Variants in NEU1 observed in about 807,000 individuals in gnomAD.
NEU1 encodes sialidase-1.
In NEU1, 32 loss-of-function variants were observed where a neutral mutation model predicts 38.3. The ratio of observed to expected loss-of-function variants is 0.84; its 90% CI spans 0.63 to 1.12. The LOEUF is 1.12. Ranked by LOEUF, NEU1 falls within the 50% of genes most tolerant of loss-of-function variation. The pLI, the probability that NEU1 is intolerant of heterozygous loss-of-function variation, is 0.00. For missense variants in NEU1, 431 were observed against 549.2 expected (o/e 0.78, Z 2.15); for synonymous variants, 192 against 225.2 (o/e 0.85, Z 1.32).
At position 31,859,710 on chromosome 6, in the gene NEU1, T is replaced by C. The variant is rs2151543578; in HGVS notation, c.*9A>G. ...TGAAGGCAGAATACCCCTGTGGCAG[T>C]GGCACAGCTCAGAGTGTCCCATAGA... On this transcript the variant is annotated 3_prime_UTR_variant, in exon 6 of 6. Coordinates refer to ENST00000375631, the MANE Select transcript of NEU1 (RefSeq NM_000434.4). 2.5e-6 allele frequency: 4 copies of C among 1,612,530 alleles called. No homozygotes were observed. Among genetic ancestry groups the C allele is most frequent in the African/African-American group, 1.3e-5 (1 of 75,060 alleles).
chr6:31,862,281 G>T lies in NEU1; in HGVS notation c.160-90C>A. On this transcript the variant is annotated intron_variant, in intron 1 of 5. Coordinates refer to ENST00000375631, the MANE Select transcript of NEU1 (RefSeq NM_000434.4). This position sits in a 1 kb window ranked among gnomAD's most constrained non-coding sequence, Gnocchi z 6.3. The stretch of plus-strand genomic sequence containing the variant: ...TCCGATGGGAGAGGGAGGATCTAAT[G>T]GGGATCCCGAGTAGGGGATGGGGTC... 7.2e-7 allele frequency: 1 copy of T among 1,394,070 alleles called. No homozygotes were observed. Among genetic ancestry groups the T allele is most frequent in the Non-Finnish European group, 1.0e-6 (1 of 996,686 alleles). 86.4% of individuals were successfully genotyped at this position (1,394,070 alleles called of 1,614,324 possible). A position where few individuals can be genotyped will look rare whatever the true frequency, so the allele number is the denominator to read the frequency against.
Position 31,860,538 on chromosome 6 carries a change from G to A in NEU1, c.699C>T (p.Ser233=), listed in dbSNP as rs188562197. 18 of 1,614,064 alleles carry A rather than the reference G, an allele frequency of 1.1e-5. No individual in the cohort carries two copies. In the Admixed American group the frequency reaches 1.5e-4, roughly 13 times the overall value. The change falls in exon 4 of 6, where the codon AGC becomes AGT. Residue 233 remains serine, a synonymous_variant. Coordinates refer to ENST00000375631, the MANE Select transcript of NEU1 (RefSeq NM_000434.4). The surrounding 1 kb of genome is among the most constrained non-coding windows in gnomAD (Gnocchi z 4.8). The part of the protein sequence containing the change: ...LERDGVFCLL[S]DDHGASWRYG... ...AGCGCCAGGAGGCACCATGATCATC[G>A]CTGAGGAGACAGAAGACTCCGTCCC...
intron 2 of NEU1, 26 bp downstream of exon 2, chr6:31,861,973 G>A: frequency 6.2e-7 from 1 of 1,611,904 alleles, no homozygotes; most frequent in Non-Finnish European, 8.5e-7. Context: ...CCTAGCACCG[G>A]CTCTTTCACC....
rs201684013 is a variant in NEU1, at chr6:31,860,572, G to A, written c.665C>T (p.Thr222Met). ...ACAGAAGACTCCGTCCCGCTCCAGC[G>A]TCCCATGGCCACACACGATGAGGCG... Reference protein sequence around the residue: ...KGRLIVCGHGTLERDGVFCLL... With the variant: ...KGRLIVCGHGMLERDGVFCLL... The change falls in exon 4 of 6, where the codon ACG becomes ATG. Residue 222 changes from threonine (T) to methionine (M), a missense_variant. By Grantham distance (81) the Thr-to-Met change is moderately conservative. Coordinates refer to ENST00000375631, the MANE Select transcript of NEU1 (RefSeq NM_000434.4). The surrounding 1 kb of genome is among the most constrained non-coding windows in gnomAD (Gnocchi z 4.8). 8.0e-5 allele frequency: 129 copies of A among 1,613,878 alleles called. No individual in the cohort carries two copies. Among genetic ancestry groups the A allele is most frequent in the Non-Finnish European group, 1.0e-4 (123 of 1,180,020 alleles).
chr6:31,861,920 A>G (rs1762531410), intron 2 of NEU1, 79 bp downstream of exon 2: 1 of 1,507,330 alleles, frequency 6.6e-7, no homozygotes, highest in Non-Finnish European at 9.2e-7. Context: ...AAGTTCCCCT[A>G]TCCTCAGGGC....
chr6:31,859,447 C>G lies in NEU1; in HGVS notation c.*272G>C, dbSNP rs905176893. 1.7e-6 allele frequency: 1 copy of G among 588,262 alleles called. No individual in the cohort carries two copies. Among genetic ancestry groups the G allele is most frequent in the African/African-American group, 1.9e-5 (1 of 54,004 alleles). 36.4% of individuals were successfully genotyped at this position (588,262 alleles called of 1,614,324 possible). A position where few individuals can be genotyped will look rare whatever the true frequency, so the allele number is the denominator to read the frequency against. On this transcript the variant is annotated 3_prime_UTR_variant, in exon 6 of 6. Transcript: ENST00000375631. ...TGCCCAAGACAGGACCAATCAATGT[C>G]CCGGGAGGGCAGAGAGGGTGGTGGG... is the stretch of plus-strand genomic sequence containing the variant.
At chr6:31,861,124 T>C in intron 3 of NEU1, 64 bp downstream of exon 3, 1 of 1,603,576 alleles carries the variant, frequency 6.2e-7, no homozygotes, top group East Asian at 2.2e-5. Flanking sequence ...AAGGAGTCCA[T>C]TTGGGGGTAT....
Position 31,862,796 on chromosome 6 carries a change from G to C in NEU1, c.-20C>G. 1 of 1,612,338 alleles carries C rather than the reference G, an allele frequency of 6.2e-7. No homozygotes were observed. The highest frequency in any genetic ancestry group is 8.5e-7 in the Non-Finnish European group (1 of 1,179,786). On this transcript the variant is annotated 5_prime_UTR_variant, in exon 1 of 6. Transcript: ENST00000375631. The surrounding 1 kb of genome is among the most constrained non-coding windows in gnomAD (Gnocchi z 6.3). ...AGTCATCTCTCCCCGCAGCTGCCGCGACCCTGGCAGCTAGACTCCACAGAG... is the reference window on the plus strand; with the variant it reads ...AGTCATCTCTCCCCGCAGCTGCCGCCACCCTGGCAGCTAGACTCCACAGAG...
intron 2 of NEU1, 75 bp downstream of exon 2, chr6:31,861,924 T>C: frequency 6.5e-7 from 1 of 1,540,560 alleles, no homozygotes; most frequent in East Asian, 2.2e-5. Flanking sequence ...TCCCCTATCC[T>C]CAGGGCCCTT....
chr6:31,859,807 G>C lies in NEU1; in HGVS notation c.1160C>G (p.Pro387Arg), dbSNP rs1230785787. Residue 387 changes from proline to arginine, a missense_variant, in exon 6 of 6, where the codon CCC becomes CGC. Pro to Arg is a moderately radical substitution (Grantham distance 103, BLOSUM62 -2). Coordinates refer to ENST00000375631, the MANE Select transcript of NEU1 (RefSeq NM_000434.4). ...TTTCTCATACAGGACGTAGAGCTGG[G>C]GGGCCTGCTCCTCTCCATCCATGCT... ...EGSMDGEEQAPQLYVLYEKGR... is the reference protein window; with the variant it reads ...EGSMDGEEQARQLYVLYEKGR... The C allele has an allele frequency of 6.2e-7, 1 of 1,613,054 alleles. No homozygotes were observed. The highest frequency in any genetic ancestry group is 1.7e-5 in the Admixed American group (1 of 60,018).
Position 31,860,320 on chromosome 6 carries a change from A to C in NEU1, c.799-56T>G. 2 of 1,602,390 alleles carry C rather than the reference A, an allele frequency of 1.2e-6. No individual in the cohort carries two copies. The highest frequency in any genetic ancestry group is 1.7e-6 in the Non-Finnish European group (2 of 1,169,884). ...GAACAGGGAAAATGCCCTGTCCCCG[A>C]GGGGAGCAAGGGTGTGTGGCACTGA... is the stretch of plus-strand genomic sequence containing the variant. On this transcript the variant is annotated intron_variant, in intron 4 of 5. Coordinates refer to ENST00000375631, the MANE Select transcript of NEU1 (RefSeq NM_000434.4). This position sits in a 1 kb window ranked among gnomAD's most constrained non-coding sequence, Gnocchi z 4.8.
Position 31,862,119 on chromosome 6 carries a change from G to T in NEU1, c.232C>A (p.Arg78Ser). 6.2e-7 allele frequency: 1 copy of T among 1,613,080 alleles called. No individual in the cohort carries two copies. Among genetic ancestry groups the T allele is most frequent in the Non-Finnish European group, 8.5e-7 (1 of 1,180,038 alleles). The change falls in exon 2 of 6, where the codon CGC becomes AGC. Residue 78 changes from arginine (R) to serine (S), a missense_variant. Transcript: ENST00000375631. The surrounding 1 kb of genome is among the most constrained non-coding windows in gnomAD (Gnocchi z 6.3). The stretch of plus-strand genomic sequence containing the variant: ...GGAGTGGCTGTGATGAGCGGGATGC[G>T]GAAGGTGTCCACTGAGCCGATCTGT... ...GRQIGSVDTF[R>S]IPLITATPRG...
Position 31,858,180 on chromosome 6 carries a change from T to C in NEU1, c.*1539A>G, listed in dbSNP as rs1383363464. The stretch of plus-strand genomic sequence containing the variant: ...GCTTGGCCAAGTGTGGATTTTAAAA[T>C]ATCTTACAGGCTGGGTGCAGGGGCT... On this transcript the variant is annotated 3_prime_UTR_variant, in exon 6 of 6. Transcript: ENST00000375631. 2 of 152,120 alleles carry C rather than the reference T, an allele frequency of 1.3e-5. No individual in the cohort carries two copies. Among genetic ancestry groups the C allele is most frequent in the Non-Finnish European group, 2.9e-5 (2 of 68,054 alleles). 9.4% of individuals were successfully genotyped at this position (152,120 alleles called of 1,614,324 possible).
rs1015368193 is a variant in NEU1, at chr6:31,862,548, C to T, written c.159+70G>A. 1.2e-6 allele frequency: 2 copies of T among 1,607,290 alleles called. No individual in the cohort carries two copies. Among genetic ancestry groups the T allele is most frequent in the African/African-American group, 2.7e-5 (2 of 74,792 alleles). ...CGCGGAAAGTCGGCTCAGCCGCCCGCGTTCCGGGGGACACTAGGTGTCGAT... is the reference window on the plus strand; with the variant it reads ...CGCGGAAAGTCGGCTCAGCCGCCCGTGTTCCGGGGGACACTAGGTGTCGAT... On this transcript the variant is annotated intron_variant, in intron 1 of 5. Coordinates refer to ENST00000375631, the MANE Select transcript of NEU1 (RefSeq NM_000434.4). This position sits in a 1 kb window ranked among gnomAD's most constrained non-coding sequence, Gnocchi z 6.3.
In NEU1 at chr6:31,860,519, A is replaced by G. The variant is rs104893978; in HGVS notation, c.718T>C (p.Trp240Arg). ...CCGCTGACCCCACTTCCGTAGCGCC[A>G]GGAGGCACCATGATCATCGCTGAGG... ...CLLSDDHGAS[W>R]RYGSGVSGIP... is the part of the protein sequence containing the mutation. Residue 240 changes from tryptophan to arginine, a missense_variant, in exon 4 of 6, where the codon TGG becomes CGG. Coordinates refer to ENST00000375631, the MANE Select transcript of NEU1 (RefSeq NM_000434.4). This position sits in a 1 kb window ranked among gnomAD's most constrained non-coding sequence, Gnocchi z 4.8. The G allele has an allele frequency of 1.9e-6, 3 of 1,614,004 alleles. No homozygotes were observed. Among genetic ancestry groups the G allele is most frequent in the Non-Finnish European group, 2.5e-6 (3 of 1,180,032 alleles).
chr6:31,860,224 C>T lies in NEU1; in HGVS notation c.839G>A (p.Arg280Gln). The change falls in exon 5 of 6, where the codon CGA (arginine) becomes CAA (glutamine). Residue 280 changes from arginine (R) to glutamine (Q), a missense_variant. Transcript: ENST00000375631. This position sits in a 1 kb window ranked among gnomAD's most constrained non-coding sequence, Gnocchi z 4.8. Reference protein sequence around the residue: ...LPDGSVVINARNQNNYHCHCR... With the variant: ...LPDGSVVINAQNQNNYHCHCR... The stretch of plus-strand genomic sequence containing the variant: ...GTGGCAGTGGTAGTTGTTCTGGTTT[C>T]GGGCATTGATGACGACTGAGCCATC... 1.9e-6 allele frequency: 3 copies of T among 1,612,898 alleles called. No homozygotes were observed. The highest frequency in any genetic ancestry group is 2.5e-6 in the Non-Finnish European group (3 of 1,179,976).
At position 31,860,072 on chromosome 6, in the gene NEU1, A is replaced by C; in HGVS notation, c.991T>G (p.Phe331Val). ...GAVVTSSGIV[F>V]FSNPAHPEFR... ...TCTGGATGTGCTGGGTTGGAGAAGA[A>C]GACAATGCCGGAGCTGGTGACTACA... The change falls in exon 5 of 6, where the codon TTC becomes GTC. Residue 331 changes from phenylalanine to valine, a missense_variant. By Grantham distance (50) the Phe-to-Val change is conservative. Transcript: ENST00000375631. The surrounding 1 kb of genome is among the most constrained non-coding windows in gnomAD (Gnocchi z 4.8). 1 of 1,613,012 alleles carries C rather than the reference A, an allele frequency of 6.2e-7. No individual in the cohort carries two copies. The highest frequency in any genetic ancestry group is 1.1e-5 in the South Asian group (1 of 91,076).
rs2151545356 is a variant in NEU1, at chr6:31,861,208, C to T, written c.595G>A (p.Gly199Arg). The T allele has an allele frequency of 1.2e-6, 2 of 1,612,050 alleles. No individual in the cohort carries two copies. The highest frequency in any genetic ancestry group is 2.2e-5 in the East Asian group (1 of 44,892). ...LDIGTEVFAP[G>R]PGSGIQKQRE... ...GAGACCTGAATACCAGAGCCCGGTC[C>T]AGGGGCAAACACTTCAGTGCCAATA... Residue 199 changes from glycine to arginine, a missense_variant, in exon 3 of 6, where the codon GGA (glycine) becomes AGA (arginine). Transcript: ENST00000375631.
chr6:31,862,797 A>G lies in NEU1; in HGVS notation c.-21T>C. The G allele has an allele frequency of 1.2e-6, 2 of 1,612,216 alleles. No homozygotes were observed. Among genetic ancestry groups the G allele is most frequent in the East Asian group, 2.2e-5 (1 of 44,870 alleles). On this transcript the variant is annotated 5_prime_UTR_variant, in exon 1 of 6. Transcript: ENST00000375631. The surrounding 1 kb of genome is among the most constrained non-coding windows in gnomAD (Gnocchi z 6.3). ...GTCATCTCTCCCCGCAGCTGCCGCG[A>G]CCCTGGCAGCTAGACTCCACAGAGT... is the stretch of plus-strand genomic sequence containing the variant.
Sources: gnomAD v4.1 joint callset for allele counts on GRCh38, gnomAD v4.1.1 for gene constraint, Gnocchi (gnomAD v3.1) non-coding constraint, MANE v1.5 for transcripts, NCBI Gene and HGNC (gene_info 2026-07-23, HGNC 2026-07-21) for gene names.